Variants in IGFL2 observed in about 807,000 individuals in gnomAD.
The protein encoded by IGFL2 is insulin growth factor-like family member 2.
In IGFL2, 7 loss-of-function variants were observed where a neutral mutation model predicts 13.9. That is an observed-to-expected ratio of 0.51 (90% confidence interval 0.29 to 0.95). The LOEUF (loss-of-function observed/expected upper bound fraction) is 0.95. IGFL2 is among the 40% of genes least tolerant of loss of function. The pLI, the probability that IGFL2 is intolerant of heterozygous loss-of-function variation, is 0.08. For missense variants in IGFL2, 138 were observed against 147.8 expected (o/e 0.93, Z 0.34); for synonymous variants, 55 against 55.8 (o/e 0.99, Z 0.07).
upstream of IGFL2, among the ~76,000 whole-genome samples, chr19:46,140,293 T>G (rs1046021681): frequency 6.6e-6 from 1 of 151,800 alleles, no homozygotes; most frequent in Non-Finnish European, 1.5e-5. Flanking sequence ...ACTTACATGT[T>G]TTTCAAGTCT....
the IGFL2 span, among the ~76,000 whole-genome samples, chr19:46,127,229 A>T: frequency 1.3e-5 from 2 of 152,084 alleles, no homozygotes; most frequent in Non-Finnish European, 2.9e-5. Flanking sequence ...GTACCAGAAA[A>T]CAAAAATAAA....
At chr19:46,119,574 A>G in the IGFL2 span, among the ~76,000 whole-genome samples, 5 of 142,640 alleles carry the variant, frequency 3.5e-5, no homozygotes, top group African/African-American at 1.1e-4. Context: ...TTGACGTCCA[A>G]GTTCCCAGTT....
At chr19:46,166,715 C>T in the IGFL2 span, among the ~76,000 whole-genome samples, 4 of 152,120 alleles carry the variant, frequency 2.6e-5, no homozygotes, top group South Asian at 2.1e-4. Flanking sequence ...CCCCTAGGTG[C>T]GCATTCTCTT....
the IGFL2 span, among the ~76,000 whole-genome samples, chr19:46,201,489 G>A: frequency 1.3e-5 from 2 of 152,204 alleles, no homozygotes; most frequent in Non-Finnish European, 2.9e-5. Flanking sequence ...CTTCCAGGCT[G>A]GGTGAGGCAA....
chr19:46,187,286 T>A, the IGFL2 span, among the ~76,000 whole-genome samples: 18 of 127,156 alleles, frequency 1.4e-4, no homozygotes, highest in African/African-American at 5.1e-4. Flanking sequence ...GGTGAGCATT[T>A]ACCCATTTAT....
At chr19:46,113,399 G>C in the IGFL2 span, 1 of 398,892 alleles carries the variant, frequency 2.5e-6, no homozygotes, top group South Asian at 1.9e-5. Context: ...ATCAATCATG[G>C]GGACATTTGG....
chr19:46,110,470 T>C, the IGFL2 span, among the ~76,000 whole-genome samples: 3 of 152,244 alleles, frequency 2.0e-5, no homozygotes, highest in Non-Finnish European at 2.9e-5. Flanking sequence ...CAAAAACTAA[T>C]ATTATACTTT....
At position 46,160,672 on chromosome 19, in the gene IGFL2, C is replaced by G; in HGVS notation, c.132C>G (p.Ile44Met). ...CGGCACCCAGGTGTGGAGACAAGAT[C>G]TACAACCCCTTGGAGCAGTGCTGTT... ...CQPAPRCGDK[I>M]YNPLEQCCYN... Residue 44 changes from isoleucine (I) to methionine (M), a missense_variant, in exon 3 of 4, where the codon ATC (isoleucine) becomes ATG (methionine). Physicochemically the swap from Ile to Met is conservative, Grantham distance 10 (BLOSUM62 1). Transcript: ENST00000377693. 6.2e-7 allele frequency: 1 copy of G among 1,614,198 alleles called. No individual in the cohort carries two copies. Among genetic ancestry groups the G allele is most frequent in the Non-Finnish European group, 8.5e-7 (1 of 1,180,022 alleles).
chr19:46,119,324 G>T, the IGFL2 span, among the ~76,000 whole-genome samples: 1 of 152,176 alleles, frequency 6.6e-6, no homozygotes, highest in Non-Finnish European at 1.5e-5. Context: ...TTGGGTCCCA[G>T]TGAGCTGTTC....
the IGFL2 span, among the ~76,000 whole-genome samples, chr19:46,080,390 T>C: frequency 6.6e-6 from 1 of 151,280 alleles, no homozygotes; most frequent in East Asian, 1.9e-4. Context: ...CTATTTATTT[T>C]TTAAAATAAA....
chr19:46,134,024 G>C, the IGFL2 span, among the ~76,000 whole-genome samples: 5 of 152,178 alleles, frequency 3.3e-5, no homozygotes, highest in Non-Finnish European at 7.4e-5. Context: ...ATTGACATCA[G>C]GGGTAGGGTA....
At chr19:46,078,777 A>T in the IGFL2 span, among the ~76,000 whole-genome samples, 2 of 152,296 alleles carry the variant, frequency 1.3e-5, no homozygotes, top group Non-Finnish European at 2.9e-5. Context: ...GACTGCTCAG[A>T]AAATGGAGAG....
the IGFL2 span, among the ~76,000 whole-genome samples, chr19:46,199,740 G>A: frequency 3.3e-5 from 5 of 152,138 alleles, no homozygotes; most frequent in African/African-American, 1.2e-4. Flanking sequence ...TACCTGCCTC[G>A]AGCCATCCCA....
the IGFL2 span, among the ~76,000 whole-genome samples, chr19:46,182,365 T>TAAAAAAAAAAAAAAAAAAA: frequency 1.3e-5 from 1 of 78,692 alleles, no homozygotes; most frequent in African/African-American, 4.6e-5. Flanking sequence ...AGACTTTGCC[T>TAAAAAAAAAAAAAAAAAAA]AAAAAAAAAA....
chr19:46,204,292 T>A, the IGFL2 span: 1 of 151,006 alleles, frequency 6.6e-6, no homozygotes, highest in South Asian at 2.1e-4. Flanking sequence ...AGGGCCTGCT[T>A]GCCTTTCTGG....
the IGFL2 span, among the ~76,000 whole-genome samples, chr19:46,101,884 T>A: frequency 6.6e-6 from 1 of 152,130 alleles, no homozygotes; most frequent in Admixed American, 6.5e-5. Context: ...CAAGGCTAGG[T>A]AACATTGAGG....
chr19:46,153,253 T>A (rs998115100), intron 1 of IGFL2, among the ~76,000 whole-genome samples: 1 of 152,216 alleles, frequency 6.6e-6, no homozygotes, highest in Non-Finnish European at 1.5e-5. Flanking sequence ...CTTCTTTAAT[T>A]GTTTTGTAAA....
the IGFL2 span, among the ~76,000 whole-genome samples, chr19:46,121,217 A>G: frequency 6.7e-6 from 1 of 148,938 alleles, no homozygotes; most frequent in African/African-American, 2.5e-5. Flanking sequence ...GTCTCTACCA[A>G]AAAAAAACCA....
the IGFL2 span, among the ~76,000 whole-genome samples, chr19:46,130,380 A>G: frequency 6.6e-6 from 1 of 152,148 alleles, no homozygotes; most frequent in Admixed American, 6.5e-5. Context: ...AGCCTTTTTC[A>G]TTATCTCACA....
Sources: gnomAD v4.1 joint callset for allele counts (sites outside exome capture counted in the v4.1 genomes callset) on GRCh38, gnomAD v4.1.1 for gene constraint, MANE v1.5 for transcripts, NCBI Gene and HGNC (gene_info 2026-07-23, HGNC 2026-07-21) for gene names.